The following KLF7 variants were observed in gnomAD, a reference collection of about 807,000 sequenced individuals.
KLF7 encodes Krueppel-like factor 7.
In KLF7, 2 loss-of-function variants were observed where a neutral mutation model predicts 27.3. That is an observed-to-expected ratio of 0.07 (90% CI 0.03 to 0.23). The LOEUF is 0.23. Ranked by LOEUF, KLF7 falls within the 10% of genes least tolerant of loss-of-function variation. The probability of loss-of-function intolerance (pLI) is 1.00; values close to 1 mark genes in which losing one functional copy is unlikely to be tolerated. For missense variants in KLF7, 221 were observed against 394.1 expected (o/e 0.56, Z 3.72); for synonymous variants, 165 against 162.4 (o/e 1.02, Z -0.12).
intron 1 of KLF7, among the ~76,000 whole-genome samples, chr2:207,128,469 C>T (rs56328691): frequency 0.011 from 1,671 of 152,192 alleles, 22 homozygotes; most frequent in African/African-American, 0.038. Flanking sequence ...CCAATGGATG[C>T]TAAAACTAGT....
chr2:207,098,961 A>C (rs576197305), intron 2 of KLF7, among the ~76,000 whole-genome samples: 6 of 151,898 alleles, frequency 4.0e-5, no homozygotes, highest in Non-Finnish European at 7.4e-5. Context: ...GATTTTCAGA[A>C]TGAAGAGAAA....
intron 1 of KLF7, among the ~76,000 whole-genome samples, chr2:207,126,535 T>C (rs1440232529): frequency 6.6e-6 from 1 of 152,222 alleles, no homozygotes; most frequent in Non-Finnish European, 1.5e-5. Flanking sequence ...ACAATTGCAA[T>C]GCTTCTTGAG....
intron 2 of KLF7, among the ~76,000 whole-genome samples, chr2:207,099,828 T>A (rs1021570626): frequency 4.6e-5 from 7 of 152,062 alleles, no homozygotes; most frequent in Non-Finnish European, 1.0e-4. Flanking sequence ...ATGTTATCAA[T>A]CTTCAAGAAG....
At chr2:207,159,203 G>A (rs1028921444) in intron 1 of KLF7, among the ~76,000 whole-genome samples, 3 of 152,152 alleles carry the variant, frequency 2.0e-5, no homozygotes, top group Admixed American at 6.5e-5. Flanking sequence ...AATCATTTCC[G>A]AATGGCACAG....
At chr2:207,098,705 C>T (rs955130343) in intron 2 of KLF7, among the ~76,000 whole-genome samples, 1 of 150,950 alleles carries the variant, frequency 6.6e-6, no homozygotes, top group African/African-American at 2.4e-5. Context: ...CAACTCACTG[C>T]AACTTTGAAC....
At chr2:207,117,572 T>C (rs2077223283) in intron 2 of KLF7, among the ~76,000 whole-genome samples, 1 of 152,194 alleles carries the variant, frequency 6.6e-6, no homozygotes, top group Non-Finnish European at 1.5e-5. Context: ...GGCCCTTTAA[T>C]GTCTTAAAAT....
At chr2:207,139,131 T>C (rs943273201) in intron 1 of KLF7, among the ~76,000 whole-genome samples, 8 of 152,130 alleles carry the variant, frequency 5.3e-5, no homozygotes, top group Admixed American at 2.6e-4. Context: ...GTAGAAACCA[T>C]CCATCTTCTC....
intron 2 of KLF7, among the ~76,000 whole-genome samples, chr2:207,122,420 A>G (rs1319086958): frequency 1.3e-5 from 2 of 152,216 alleles, no homozygotes; most frequent in South Asian, 2.1e-4. Context: ...TCTAAGGTTC[A>G]TAACAGTGAT....
intron 2 of KLF7, among the ~76,000 whole-genome samples, chr2:207,094,000 A>C (rs1053331694): frequency 6.6e-6 from 1 of 152,246 alleles, no homozygotes; most frequent in African/African-American, 2.4e-5. Context: ...AATCTCACAC[A>C]TAGGAACCTA....
intron 2 of KLF7, among the ~76,000 whole-genome samples, chr2:207,089,779 A>G (rs1190944467): frequency 7.9e-5 from 12 of 152,206 alleles, no homozygotes; most frequent in Non-Finnish European, 1.8e-4. Context: ...ATACACATGC[A>G]TATTATATAT....
chr2:207,167,527 A>G (rs1258097578), upstream of KLF7, among the ~76,000 whole-genome samples: 1 of 152,246 alleles, frequency 6.6e-6, no homozygotes, highest in Non-Finnish European at 1.5e-5. Flanking sequence ...ATAAGCACAG[A>G]TTGAAATTCA....
upstream of KLF7, chr2:207,166,796 A>C: frequency 2.0e-6 from 2 of 1,000,512 alleles, no homozygotes; most frequent in Non-Finnish European, 2.4e-6. Flanking sequence ...CCCCTTCCCG[A>C]ACTCCCCACG....
intron 2 of KLF7, among the ~76,000 whole-genome samples, chr2:207,107,910 G>T (rs1477946553): frequency 6.6e-6 from 1 of 152,240 alleles, no homozygotes; most frequent in East Asian, 1.9e-4. Context: ...TGCACAACGT[G>T]ATTGTGTTTA....
chr2:207,127,271 C>G (rs1007413820), intron 1 of KLF7, among the ~76,000 whole-genome samples: 1 of 152,114 alleles, frequency 6.6e-6, no homozygotes, highest in African/African-American at 2.4e-5. Context: ...CATAAGTACC[C>G]ATCGGGATGT....
At chr2:207,089,180 A>G (rs2076455197) in intron 2 of KLF7, among the ~76,000 whole-genome samples, 1 of 152,240 alleles carries the variant, frequency 6.6e-6, no homozygotes, top group Non-Finnish European at 1.5e-5. Flanking sequence ...AGTAAAACAA[A>G]AATCACTTGA....
intron 2 of KLF7, among the ~76,000 whole-genome samples, chr2:207,117,715 C>A (rs754596013): frequency 2.6e-5 from 4 of 152,190 alleles, no homozygotes; most frequent in Non-Finnish European, 5.9e-5. Flanking sequence ...TATGCCTGAC[C>A]TTGAATTAGG....
chr2:207,106,238 T>C (rs1017935637), intron 2 of KLF7, among the ~76,000 whole-genome samples: 46 of 152,164 alleles, frequency 3.0e-4, no homozygotes, highest in African/African-American at 1.1e-3. Context: ...ATGATCAGAA[T>C]TGAACTTTAA....
chr2:207,087,977 C>T (rs956001217), intron 3 of KLF7, among the ~76,000 whole-genome samples: 4 of 152,118 alleles, frequency 2.6e-5, no homozygotes, highest in African/African-American at 7.2e-5. Context: ...CTGTTCAGTA[C>T]AATTCATTTC....
At chr2:207,162,862 G>C (rs2078587729) in intron 1 of KLF7, among the ~76,000 whole-genome samples, 1 of 152,140 alleles carries the variant, frequency 6.6e-6, no homozygotes. Flanking sequence ...TTCACTTTAA[G>C]AAGAACATCT....
Sources: allele counts gnomAD v4.1 joint callset (sites outside exome capture counted in the v4.1 genomes callset), GRCh38; gene constraint gnomAD v4.1.1; transcripts MANE v1.5; gene names NCBI Gene and HGNC (gene_info 2026-07-23, HGNC 2026-07-21).